The following CEACAM21 variants were observed in gnomAD, a reference collection of about 807,000 sequenced individuals.
CEACAM21 encodes CEA cell adhesion molecule 21, also known as cell adhesion molecule CEACAM21.
A neutral mutation model predicts 33.2 loss-of-function variants in CEACAM21; 38 were observed. The observed-to-expected ratio is 1.14, with a 90% CI of 0.88 to 1.50. The LOEUF (loss-of-function observed/expected upper bound fraction) is 1.50. Among genes scored for constraint, CEACAM21 ranks in the 40% most tolerant of loss-of-function variants. The pLI is 0.00. For synonymous variants in CEACAM21, 156 were observed against 143.0 expected (o/e 1.09, Z -0.65); for missense variants, 385 against 364.6 (o/e 1.06, Z -0.46).
chr19:41,577,928 G>A (rs1555791977), intron 2 of CEACAM21, among the ~76,000 whole-genome samples: 3 of 152,138 alleles, frequency 2.0e-5, no homozygotes, highest in African/African-American at 2.4e-5. Flanking sequence ...AGCCCTTGAA[G>A]CCCCTGCCCC....
At chr19:41,581,280 T>G (rs1430407789) in intron 3 of CEACAM21, among the ~76,000 whole-genome samples, 2 of 152,266 alleles carry the variant, frequency 1.3e-5, no homozygotes, top group Non-Finnish European at 2.9e-5. Flanking sequence ...CCTGTTGCAG[T>G]TAACTAGCCC....
chr19:41,580,711 G>GGT (rs1568615048), intron 3 of CEACAM21, among the ~76,000 whole-genome samples: 1 of 152,158 alleles, frequency 6.6e-6, no homozygotes, highest in African/African-American at 2.4e-5. Context: ...AACTTCCATG[G>GGT]GTTCAGCTCT....
In CEACAM21 at chr19:41,585,483, G is replaced by A; in HGVS notation, c.838G>A (p.Ala280Thr). ...TGACTTCAGGGAGCAGCAGCCCCCAGCCTCCACCCCCGGTGAGTGTCCCTT... is the reference window on the plus strand; with the variant it reads ...TGACTTCAGGGAGCAGCAGCCCCCAACCTCCACCCCCGGTGAGTGTCCCTT... ...QSDFREQQPP[A>T]STPGHGPSDS... is the part of the protein sequence containing the mutation. The change falls in exon 5 of 7, where the codon GCC (alanine) becomes ACC (threonine). Residue 280 changes from alanine (A) to threonine (T), a missense_variant. Physicochemically the swap from Ala to Thr is moderately conservative, Grantham distance 58. Coordinates refer to ENST00000401445, the MANE Select transcript of CEACAM21 (RefSeq NM_001098506.4). 1 of 1,613,812 alleles carries A rather than the reference G, an allele frequency of 6.2e-7. No individual in the cohort carries two copies. Among genetic ancestry groups the A allele is most frequent in the Non-Finnish European group, 8.5e-7 (1 of 1,179,806 alleles).
In CEACAM21 at chr19:41,584,444, G is replaced by A. The variant is rs1555794543; in HGVS notation, c.797+1G>A. ...TCCTGCTCCTCCGAAAAACTGGCAGGTACCACAGCTTTTCCCCATTCTGCT... is the reference window on the plus strand; with the variant it reads ...TCCTGCTCCTCCGAAAAACTGGCAGATACCACAGCTTTTCCCCATTCTGCT... On this transcript the variant is annotated splice_donor_variant, in intron 4 of 6. Coordinates refer to ENST00000401445, the MANE Select transcript of CEACAM21 (RefSeq NM_001098506.4). LOFTEE classifies it high-confidence loss of function. 6.2e-7 allele frequency: 1 copy of A among 1,601,168 alleles called. No individual in the cohort carries two copies. Among genetic ancestry groups the A allele is most frequent in the African/African-American group, 1.3e-5 (1 of 74,776 alleles).
chr19:41,565,355 C>T (rs936130044), intron 2 of CEACAM21, among the ~76,000 whole-genome samples: 1 of 152,066 alleles, frequency 6.6e-6, no homozygotes, highest in Admixed American at 6.5e-5. Flanking sequence ...GGGCGGGTGC[C>T]TCTGGGACAC....
chr19:41,579,162 TG>T, intron 2 of CEACAM21, 190 bp from the exon 3 acceptor site: 1 of 874,604 alleles, frequency 1.1e-6, no homozygotes, highest in Non-Finnish European at 1.7e-6. Context: ...TGGGTCCTCC[TG>T]GTCCCTGGGG....
chr19:41,577,546 T>A lies in CEACAM21; in HGVS notation c.411T>A (p.His137Gln). Residue 137 changes from histidine to glutamine, a missense_variant, in exon 2 of 7, where the codon CAT becomes CAA. His to Gln is a conservative substitution (Grantham distance 24). Transcript: ENST00000401445. The part of the protein sequence containing the change: ...RNSQIEQASH[H>Q]LRVYESVAQP... ...CTCAGATTGAACAGGCATCTCACCA[T>A]CTCCGTGTATACGGTGAGTGATTCC... is the stretch of plus-strand genomic sequence containing the variant. 1 of 1,613,794 alleles carries A rather than the reference T, an allele frequency of 6.2e-7. No homozygotes were observed. The highest frequency in any genetic ancestry group is 8.5e-7 in the Non-Finnish European group (1 of 1,179,986).
chr19:41,571,515 G>A (rs2042612457), upstream of CEACAM21, among the ~76,000 whole-genome samples: 1 of 152,198 alleles, frequency 6.6e-6, no homozygotes, highest in African/African-American at 2.4e-5. Context: ...GCACCAGATA[G>A]TCCACTCTGA....
chr19:41,568,131 T>C (rs1180481875), intron 2 of CEACAM21, among the ~76,000 whole-genome samples: 5 of 152,022 alleles, frequency 3.3e-5, no homozygotes, highest in African/African-American at 1.2e-4. Flanking sequence ...AGAAACATAA[T>C]TTTCTTATAT....
chr19:41,563,797 G>C (rs2042059331), intron 1 of CEACAM21, among the ~76,000 whole-genome samples: 1 of 152,228 alleles, frequency 6.6e-6, no homozygotes, highest in Admixed American at 6.5e-5. Flanking sequence ...CCCTGGACAA[G>C]GGGCTCTCAG....
intron 2 of CEACAM21, 104 bp downstream of exon 2, chr19:41,577,663 C>T: frequency 6.5e-7 from 1 of 1,533,534 alleles, no homozygotes; most frequent in Non-Finnish European, 8.8e-7. Context: ...TGCATTACGT[C>T]CCATGTTGGG....
intron 2 of CEACAM21, among the ~76,000 whole-genome samples, chr19:41,569,066 T>C (rs1338958682): frequency 6.6e-6 from 1 of 152,234 alleles, no homozygotes; most frequent in African/African-American, 2.4e-5. Context: ...AAAGATAGCT[T>C]AAAAATTTTA....
In CEACAM21 at chr19:41,584,439, G is replaced by A. The variant is rs1378740191; in HGVS notation, c.793G>A (p.Gly265Ser). 2 of 1,603,048 alleles carry A rather than the reference G, an allele frequency of 1.2e-6. No individual in the cohort carries two copies. Among genetic ancestry groups the A allele is most frequent in the African/African-American group, 2.7e-5 (2 of 74,688 alleles). The stretch of plus-strand genomic sequence containing the variant: ...GTGTTTCCTGCTCCTCCGAAAAACT[G>A]GCAGGTACCACAGCTTTTCCCCATT... ...LVCFLLLRKTGRASDQSDFRE... is the reference protein window; with the variant it reads ...LVCFLLLRKTSRASDQSDFRE... Residue 265 changes from glycine to serine, a missense_variant, in exon 4 of 7, where the codon GGC becomes AGC. By Grantham distance (56) the Gly-to-Ser change is moderately conservative. Coordinates refer to ENST00000401445, the MANE Select transcript of CEACAM21 (RefSeq NM_001098506.4).
intron 4 of CEACAM21, 80 bp downstream of exon 4, chr19:41,584,523 C>G: frequency 3.1e-6 from 4 of 1,275,332 alleles, no homozygotes; most frequent in Non-Finnish European, 4.5e-6. Flanking sequence ...GTCTTGTATT[C>G]AGTGCCAGGC....
intron 2 of CEACAM21, among the ~76,000 whole-genome samples, chr19:41,569,713 T>G (rs1302506012): frequency 6.6e-6 from 1 of 152,142 alleles, no homozygotes; most frequent in Non-Finnish European, 1.5e-5. Flanking sequence ...GTGTGGATTC[T>G]GAAATCTGTG....
rs782220587 is a variant in CEACAM21, at chr19:41,577,570, CCTCCGTGCCT to C, written c.424+14_424+23del. 6.2e-7 allele frequency: 1 copy of C among 1,611,792 alleles called. No individual in the cohort carries two copies. Among genetic ancestry groups the C allele is most frequent in the South Asian group, 1.1e-5 (1 of 90,948 alleles). ...ATCTCCGTGTATACGGTGAGTGATT[CCTCCGTGCCT>C]CTGGGTGTTGGGGGTCAGTTCTGCT... On this transcript the variant is annotated intron_variant, in intron 2 of 6. Coordinates refer to ENST00000401445, the MANE Select transcript of CEACAM21 (RefSeq NM_001098506.4).
intron 1 of CEACAM21, among the ~76,000 whole-genome samples, chr19:41,557,205 T>C (rs1406145927): frequency 6.6e-6 from 1 of 152,190 alleles, no homozygotes; most frequent in Non-Finnish European, 1.5e-5. Context: ...TCGGCTAAGA[T>C]AGCAAAAGAC....
chr19:41,573,035 C>A (rs2042711465), upstream of CEACAM21, among the ~76,000 whole-genome samples: 1 of 152,282 alleles, frequency 6.6e-6, no homozygotes, highest in Admixed American at 6.5e-5. Flanking sequence ...GCCAGGTAGA[C>A]CAAGCTTGAG....
chr19:41,576,153 G>T, upstream of CEACAM21: 1 of 1,192,278 alleles, frequency 8.4e-7, no homozygotes, highest in Non-Finnish European at 1.2e-6. Flanking sequence ...TCCTGCCTGA[G>T]AGGAAGCTCA....
Sources: allele counts gnomAD v4.1 joint callset (sites outside exome capture counted in the v4.1 genomes callset), GRCh38; gene constraint gnomAD v4.1.1; transcripts MANE v1.5; gene names NCBI Gene and HGNC (gene_info 2026-07-23, HGNC 2026-07-21).